CDH8: variants seen among roughly 807,000 people sequenced by gnomAD.
CDH8 encodes the protein cadherin-8.
CDH8 carries 17 observed loss-of-function variants against 68.1 expected under a neutral mutation model. The observed-to-expected ratio is 0.25, with a 90% confidence interval of 0.17 to 0.37. The LOEUF is 0.37. Among genes scored for constraint, CDH8 ranks in the 10% least tolerant of loss-of-function variants. The pLI, the probability that CDH8 is intolerant of heterozygous loss-of-function variation, is 1.00. For synonymous variants in CDH8, 372 were observed against 365.1 expected (o/e 1.02, Z -0.21); for missense variants, 763 against 999.3 (o/e 0.76, Z 3.19).
In CDH8 at chr16:61,842,197, G is replaced by T. The variant is rs546052155; in HGVS notation, c.667+14922C>A. Among the ~76,000 whole-genome samples, 5 of 151,860 alleles carry T rather than the reference G, an allele frequency of 3.3e-5. No individual in the cohort carries two copies. The East Asian group carries it at 9.7e-4, about 30-fold the overall frequency. ...GCTGGCATTACGGGCATGAGCCACC[G>T]CACCCAGCCAGAAATTTGTATGGTT... On this transcript the variant is annotated intron_variant, in intron 4 of 11. Transcript: ENST00000577390.
At chr16:61,686,919 A>G (rs1283355734) in intron 10 of CDH8, among the ~76,000 whole-genome samples, 1 of 151,920 alleles carries the variant, frequency 6.6e-6, no homozygotes, top group Non-Finnish European at 1.5e-5. Flanking sequence ...AAAAATAAAT[A>G]GTTCATTACA....
At chr16:62,030,684 C>T (rs1357024294) in intron 1 of CDH8, among the ~76,000 whole-genome samples, 1 of 151,970 alleles carries the variant, frequency 6.6e-6, no homozygotes, top group African/African-American at 2.4e-5. Flanking sequence ...GTTCTGACTG[C>T]AAATGAACTA....
chr16:61,938,585 G>C (rs1482577988), intron 2 of CDH8, among the ~76,000 whole-genome samples: 1 of 152,112 alleles, frequency 6.6e-6, no homozygotes, highest in Non-Finnish European at 1.5e-5. Context: ...AAAATGTAAG[G>C]TACTGCTAAT....
At chr16:61,842,218 T>C (rs938676833) in intron 4 of CDH8, among the ~76,000 whole-genome samples, 1 of 152,096 alleles carries the variant, frequency 6.6e-6, no homozygotes, top group African/African-American at 2.4e-5. Context: ...GAAATTTGTA[T>C]GGTTTTAATG....
At chr16:61,974,831 A>G (rs1965407243) in intron 2 of CDH8, among the ~76,000 whole-genome samples, 1 of 152,130 alleles carries the variant, frequency 6.6e-6, no homozygotes, top group South Asian at 2.1e-4. Context: ...GGCAGATGGC[A>G]AAGTGCACAG....
intron 6 of CDH8, 75 bp downstream of exon 6, chr16:61,820,851 A>T (rs1287575072): frequency 1.1e-5 from 15 of 1,308,298 alleles, no homozygotes; most frequent in Non-Finnish European, 9.7e-6. Flanking sequence ...CAGGAACTCC[A>T]CACAAGTCCC....
At position 61,654,096 on chromosome 16, in the gene CDH8, C is replaced by A. The variant is rs749935575; in HGVS notation, c.1912G>T (p.Val638Leu). ...CGCCGTAGAGTTACAAACAGCACCA[C>A]GATGACTAGAGGAAAAATATTAAAT... ...LACIILLLVIVVLFVTLRRHK... is the reference protein window; with the variant it reads ...LACIILLLVILVLFVTLRRHK... Residue 638 changes from valine (V) to leucine (L), a missense_variant, in exon 12 of 12, where the codon GTG becomes TTG. Val to Leu is a conservative substitution (Grantham distance 32). Coordinates refer to ENST00000577390, the MANE Select transcript of CDH8 (RefSeq NM_001796.5). 2.5e-6 allele frequency: 4 copies of A among 1,609,266 alleles called. No homozygotes were observed. In the East Asian group the frequency reaches 6.7e-5, roughly 27 times the overall value.
At chr16:61,817,781 G>A in intron 6 of CDH8, 49 bp from the exon 7 acceptor site, 1 of 1,519,146 alleles carries the variant, frequency 6.6e-7, no homozygotes. Context: ...GACCACAGCA[G>A]CAAGAACAAA....
chr16:61,828,566 T>A (rs1962392386), intron 4 of CDH8, among the ~76,000 whole-genome samples: 2 of 151,866 alleles, frequency 1.3e-5, no homozygotes, highest in Admixed American at 1.3e-4. Context: ...ACCTGGTTCA[T>A]CTGTCAATTT....
chr16:61,660,958 G>A (rs1276052038), intron 10 of CDH8, among the ~76,000 whole-genome samples: 1 of 151,920 alleles, frequency 6.6e-6, no homozygotes, highest in Admixed American at 6.6e-5. Flanking sequence ...AATGACCCCA[G>A]ATGGTGACTC....
chr16:61,769,008 AC>A (rs764230332), intron 8 of CDH8, among the ~76,000 whole-genome samples: 3 of 151,754 alleles, frequency 2.0e-5, no homozygotes, highest in Non-Finnish European at 4.4e-5. Context: ...CTCAATATTT[AC>A]CATATTGTAA....
chr16:61,971,471 G>A (rs1049440431), intron 2 of CDH8, among the ~76,000 whole-genome samples: 6 of 152,162 alleles, frequency 3.9e-5, no homozygotes, highest in Non-Finnish European at 7.3e-5. Context: ...ACATCAGATG[G>A]AAGAGAAGCA....
chr16:62,033,729 G>A (rs1567576994), intron 1 of CDH8, among the ~76,000 whole-genome samples: 1 of 152,146 alleles, frequency 6.6e-6, no homozygotes, highest in Non-Finnish European at 1.5e-5. Context: ...ATTCACTTGG[G>A]GAGTGTGGGG....
At chr16:61,965,048 T>A (rs1406943039) in intron 2 of CDH8, among the ~76,000 whole-genome samples, 3 of 152,158 alleles carry the variant, frequency 2.0e-5, no homozygotes, top group Non-Finnish European at 2.9e-5. Flanking sequence ...GGTTTTTATA[T>A]CTGAATTTCT....
intron 2 of CDH8, among the ~76,000 whole-genome samples, chr16:61,957,116 G>T (rs2143613948): frequency 6.6e-6 from 1 of 152,192 alleles, no homozygotes; most frequent in East Asian, 1.9e-4. Context: ...TTGGCCAATT[G>T]ATTCTTAATT....
At chr16:61,898,916 T>C (rs535715632) in intron 3 of CDH8, among the ~76,000 whole-genome samples, 1 of 152,184 alleles carries the variant, frequency 6.6e-6, no homozygotes, top group Non-Finnish European at 1.5e-5. Flanking sequence ...GTTTGATTTT[T>C]TTTTTCTACC....
chr16:61,779,011 C>T (rs1324417945), intron 8 of CDH8, among the ~76,000 whole-genome samples: 1 of 152,126 alleles, frequency 6.6e-6, no homozygotes, highest in African/African-American at 2.4e-5. Flanking sequence ...GTGTGCAGCC[C>T]GCTGTAGTGG....
At position 61,830,370 on chromosome 16, in the gene CDH8, T is replaced by C. The variant is rs1567490364; in HGVS notation, c.668-5191A>G. Among the ~76,000 whole-genome samples the C allele has an allele frequency of 2.6e-5, 4 of 151,746 alleles. No homozygotes were observed. The East Asian group carries it at 7.8e-4, about 29-fold the overall frequency. On this transcript the variant is annotated intron_variant, in intron 4 of 11. Coordinates refer to ENST00000577390, the MANE Select transcript of CDH8 (RefSeq NM_001796.5). ...GATTTGAGAAGTCAAAAGTCAAAAA[T>C]TTTGAACTGTGAATGCTAAAAAGTG...
intron 8 of CDH8, among the ~76,000 whole-genome samples, chr16:61,739,872 T>G (rs1215889399): frequency 7.1e-6 from 1 of 140,654 alleles, no homozygotes; most frequent in African/African-American, 2.6e-5. Context: ...ATAGCATTTG[T>G]ACAACATATT....
Sources: gnomAD v4.1 joint callset for allele counts (sites outside exome capture counted in the v4.1 genomes callset) on GRCh38, gnomAD v4.1.1 for gene constraint, MANE v1.5 for transcripts, NCBI Gene and HGNC (gene_info 2026-07-23, HGNC 2026-07-21) for gene names.